Variants in EXOC5 observed in about 807,000 individuals in gnomAD.
The protein encoded by EXOC5 is exocyst complex component 5.
In EXOC5, 17 loss-of-function variants were observed where a neutral mutation model predicts 90.8. The observed-to-expected ratio is 0.19, with a 90% CI of 0.13 to 0.28. EXOC5 has a LOEUF of 0.28. Among genes scored for constraint, EXOC5 ranks in the 10% least tolerant of loss-of-function variants. The pLI is 1.00. For synonymous variants in EXOC5, 260 were observed against 270.0 expected (o/e 0.96, Z 0.36); for missense variants, 569 against 830.6 (o/e 0.69, Z 3.87).
chr14:57,251,301 T>C (rs1326004028), intron 1 of EXOC5, among the ~76,000 whole-genome samples: 1 of 152,152 alleles, frequency 6.6e-6, no homozygotes, highest in Non-Finnish European at 1.5e-5. Context: ...TCCAAATATC[T>C]GAGATCCCTG....
At chr14:57,210,851 T>C (rs1487915455) in intron 15 of EXOC5, among the ~76,000 whole-genome samples, 1 of 152,214 alleles carries the variant, frequency 6.6e-6, no homozygotes, top group Non-Finnish European at 1.5e-5. Flanking sequence ...TGTTTGCCTG[T>C]TAAACAACAA....
chr14:57,217,661 C>T (rs372948522), intron 15 of EXOC5, among the ~76,000 whole-genome samples: 26 of 152,106 alleles, frequency 1.7e-4, no homozygotes, highest in African/African-American at 6.0e-4. Context: ...GCAATTAGGA[C>T]AATCAATAAT....
At chr14:57,214,055 G>A (rs1882903041) in intron 15 of EXOC5, among the ~76,000 whole-genome samples, 1 of 152,060 alleles carries the variant, frequency 6.6e-6, no homozygotes, top group Admixed American at 6.6e-5. Context: ...AGGCCTTTTT[G>A]AGATTCCACA....
chr14:57,257,042 T>C (rs1470538622), intron 1 of EXOC5, among the ~76,000 whole-genome samples: 3 of 152,188 alleles, frequency 2.0e-5, no homozygotes, highest in African/African-American at 7.2e-5. Context: ...AACACCTTAG[T>C]AGTCCAGTCA....
chr14:57,247,786 G>A lies in EXOC5; in HGVS notation c.28-74C>T. On this transcript the variant is annotated intron_variant, in intron 1 of 17. Transcript: ENST00000621441. ...TAATATTACTTATAAAATTAAAACA[G>A]CTTCTACTAGGTAAAAACTTAAAAT... 4 of 641,920 alleles carry A rather than the reference G, an allele frequency of 6.2e-6. No homozygotes were observed. In the East Asian group the frequency reaches 1.2e-4, roughly 20 times the overall value. 39.8% of individuals were successfully genotyped at this position (641,920 alleles called of 1,614,324 possible).
At chr14:57,213,696 C>A (rs751359289) in intron 15 of EXOC5, among the ~76,000 whole-genome samples, 1 of 151,966 alleles carries the variant, frequency 6.6e-6, no homozygotes, top group African/African-American at 2.4e-5. Flanking sequence ...AGGCTGAGTG[C>A]AGTAGTTCAC....
At chr14:57,212,895 G>A (rs368673470) in intron 15 of EXOC5, among the ~76,000 whole-genome samples, 4 of 152,058 alleles carry the variant, frequency 2.6e-5, no homozygotes, top group Admixed American at 6.6e-5. Context: ...CCACTCTTTC[G>A]ATACATAATC....
chr14:57,212,237 T>C (rs1169022614), intron 15 of EXOC5, among the ~76,000 whole-genome samples: 1 of 152,188 alleles, frequency 6.6e-6, no homozygotes, highest in African/African-American at 2.4e-5. Context: ...AAAGTCACAT[T>C]GGGAAAGAGT....
At chr14:57,239,423 A>G in intron 5 of EXOC5, 172 bp downstream of exon 5, 1 of 496,210 alleles carries the variant, frequency 2.0e-6, no homozygotes, top group Non-Finnish European at 3.6e-6. Flanking sequence ...TCAATAAACT[A>G]TTTTACACTG....
chr14:57,232,812 A>G (rs1487047831), intron 9 of EXOC5, 63 bp from the exon 10 acceptor site: 7 of 783,042 alleles, frequency 8.9e-6, no homozygotes, highest in East Asian at 8.1e-5. Context: ...ACTTCTCAAG[A>G]TATTTTTCTT....
chr14:57,233,700 T>C (rs749524984), intron 9 of EXOC5, 43 bp downstream of exon 9: 12 of 1,205,432 alleles, frequency 1.0e-5, no homozygotes, highest in South Asian at 1.5e-5. Flanking sequence ...AAAAATTACA[T>C]ATTGCTTTAA....
chr14:57,211,457 G>C (rs979572822), intron 15 of EXOC5, among the ~76,000 whole-genome samples: 4 of 152,118 alleles, frequency 2.6e-5, no homozygotes, highest in African/African-American at 9.7e-5. Context: ...CCTCTTCACT[G>C]AACATAGTTG....
rs571703249 is a variant in EXOC5 at position 57,202,851 on chromosome 14, T to C, written c.*5758A>G. The C allele has an allele frequency of 6.8e-4, 104 of 152,216 alleles. No individual in the cohort carries two copies. Among genetic ancestry groups the C allele is most frequent in the African/African-American group, 2.4e-3 (99 of 41,546 alleles). 9.4% of individuals were successfully genotyped at this position (152,216 alleles called of 1,614,324 possible). ...AGTTGTGTGAATTCTATTTTTAAAATAAAAAAATGTACATATTACTATAAA... is the reference window on the plus strand; with the variant it reads ...AGTTGTGTGAATTCTATTTTTAAAACAAAAAAATGTACATATTACTATAAA... On this transcript the variant is annotated 3_prime_UTR_variant, in exon 18 of 18. Transcript: ENST00000621441.
At chr14:57,268,393 T>C in intron 1 of EXOC5, 2 of 1,246,864 alleles carry the variant, frequency 1.6e-6, no homozygotes, top group African/African-American at 1.5e-5. Flanking sequence ...GACACCCGGC[T>C]TCCCCTCTCT....
intron 15 of EXOC5, among the ~76,000 whole-genome samples, chr14:57,213,373 T>G (rs1338694838): frequency 2.0e-5 from 3 of 151,518 alleles, no homozygotes; most frequent in Non-Finnish European, 4.4e-5. Flanking sequence ...CAGAGCAAGA[T>G]CATATCTCTA....
chr14:57,255,950 C>T (rs182830102), intron 1 of EXOC5, among the ~76,000 whole-genome samples: 1 of 151,784 alleles, frequency 6.6e-6, no homozygotes, highest in Admixed American at 6.6e-5. Context: ...AGTCTGGCAA[C>T]AAGAGGTAAA....
rs533597268 is a variant in EXOC5, at chr14:57,244,827, T to C, written c.271-468A>G. On this transcript the variant is annotated intron_variant, in intron 3 of 17. Coordinates refer to ENST00000621441, the MANE Select transcript of EXOC5 (RefSeq NM_006544.4). ...GCCTGGACAACATGGTAAAACCCAA[T>C]CTCTACTAAAAATACAAATATTAGC... Among the ~76,000 whole-genome samples, 13 of 152,238 alleles carry C rather than the reference T, an allele frequency of 8.5e-5. No homozygotes were observed. The South Asian group carries it at 2.7e-3, about 32-fold the overall frequency.
At chr14:57,210,983 C>A (rs1216749065) in intron 15 of EXOC5, among the ~76,000 whole-genome samples, 3 of 152,138 alleles carry the variant, frequency 2.0e-5, no homozygotes, top group Admixed American at 6.5e-5. Flanking sequence ...GACCAGAAAG[C>A]AGGACCTCTT....
rs1298120322 is a variant in EXOC5, at chr14:57,208,629, G to C, written c.2107C>G (p.Leu703Val). The C allele has an allele frequency of 6.2e-7, 1 of 1,604,122 alleles. No homozygotes were observed. Among genetic ancestry groups the C allele is most frequent in the East Asian group, 2.2e-5 (1 of 44,732 alleles). ...CAATCTCAGCTGAAGTGTCGAGCAA[G>C]GCGGGCAGATCTATAATCAGCACGA... ...QLRADYRSAR[L>V]ARHFS The change falls in exon 18 of 18, where the codon CTT (leucine) becomes GTT (valine). Residue 703 changes from leucine to valine, a missense_variant. By Grantham distance (32) the Leu-to-Val change is conservative (BLOSUM62 1). Around this residue, in one of 9 missense-constraint regions of EXOC5, gnomAD observed 122 missense variants for 180.0 expected, o/e 0.68. Transcript: ENST00000621441.
Sources: allele counts gnomAD v4.1 joint callset (sites outside exome capture counted in the v4.1 genomes callset), GRCh38; gene constraint gnomAD v4.1.1; regional missense constraint gnomAD v4.1.1; transcripts MANE v1.5; gene names NCBI Gene and HGNC (gene_info 2026-07-23, HGNC 2026-07-21).